Variants in DPP6 observed in about 807,000 individuals in gnomAD.
DPP6 encodes the protein dipeptidyl peptidase like 6.
In DPP6, 69 loss-of-function variants were observed where a neutral mutation model predicts 122.6. That is an observed-to-expected ratio of 0.56 (90% CI 0.46 to 0.69). The LOEUF is 0.69. DPP6 is among the 30% of genes least tolerant of loss of function. The pLI is 0.00. For missense variants in DPP6, 928 were observed against 1,116.9 expected (o/e 0.83, Z 2.41); for synonymous variants, 418 against 433.1 (o/e 0.97, Z 0.43).
chr7:154,749,943 A>G (rs1166584563), intron 8 of DPP6, among the ~76,000 whole-genome samples: 2 of 133,824 alleles, frequency 1.5e-5, no homozygotes, highest in African/African-American at 5.8e-5. Flanking sequence ...GTGAGAGAGC[A>G]TAGGACGGGA....
At chr7:154,784,936 C>G (rs1234078708) in intron 10 of DPP6, among the ~76,000 whole-genome samples, 3 of 152,150 alleles carry the variant, frequency 2.0e-5, no homozygotes, top group Admixed American at 2.0e-4. Flanking sequence ...TTGAATTAAA[C>G]TTATTTCTTG....
At chr7:154,569,318 T>C (rs1426213480) in intron 5 of DPP6, among the ~76,000 whole-genome samples, 1 of 152,028 alleles carries the variant, frequency 6.6e-6, no homozygotes, top group Non-Finnish European at 1.5e-5. Context: ...ATTGTATTAA[T>C]AGTATAATCA....
At chr7:154,681,130 A>G (rs774008652) in intron 7 of DPP6, among the ~76,000 whole-genome samples, 81 of 152,080 alleles carry the variant, frequency 5.3e-4, no homozygotes, top group Non-Finnish European at 9.3e-4. Flanking sequence ...CTTGAGACTC[A>G]CTCTTAAGCC....
the DPP6 span, among the ~76,000 whole-genome samples, chr7:153,797,309 G>A: frequency 1.3e-5 from 2 of 152,142 alleles, no homozygotes; most frequent in Non-Finnish European, 2.9e-5. Flanking sequence ...ACAACCAGAT[G>A]TAAAAAATGA....
intron 1 of DPP6, among the ~76,000 whole-genome samples, chr7:154,357,114 C>T (rs1811329505): frequency 6.6e-6 from 1 of 151,958 alleles, no homozygotes; most frequent in Non-Finnish European, 1.5e-5. Context: ...TTTAAATGAA[C>T]CATGAACAAT....
chr7:154,045,498 G>C (rs1327113380), intron 1 of DPP6, among the ~76,000 whole-genome samples: 2 of 152,366 alleles, frequency 1.3e-5, no homozygotes, highest in East Asian at 3.9e-4. Context: ...GTCTGAGACA[G>C]GGCCCACGAA....
chr7:153,854,910 A>G, the DPP6 span, among the ~76,000 whole-genome samples: 7 of 143,916 alleles, frequency 4.9e-5, no homozygotes, highest in African/African-American at 1.8e-4. Flanking sequence ...ATGCAGCCAT[A>G]AAACATGATG....
chr7:154,552,429 A>C (rs1046406937), intron 4 of DPP6, among the ~76,000 whole-genome samples: 1 of 152,168 alleles, frequency 6.6e-6, no homozygotes, highest in African/African-American at 2.4e-5. Flanking sequence ...AGCCAGCTTC[A>C]AAAAAATCAC....
intron 1 of DPP6, among the ~76,000 whole-genome samples, chr7:154,293,512 A>G (rs773027096): frequency 7.2e-5 from 11 of 152,030 alleles, no homozygotes; most frequent in Non-Finnish European, 1.2e-4. Flanking sequence ...CCCCCCATCA[A>G]CTCCTTCATC....
intron 1 of DPP6, among the ~76,000 whole-genome samples, chr7:154,217,554 T>C (rs1018909761): frequency 3.9e-5 from 6 of 152,210 alleles, no homozygotes; most frequent in African/African-American, 1.4e-4. Context: ...AAATTATATT[T>C]TCTAAAAGAA....
chr7:154,096,741 T>C (rs1467898559), intron 1 of DPP6, among the ~76,000 whole-genome samples: 2 of 152,174 alleles, frequency 1.3e-5, no homozygotes, highest in African/African-American at 2.4e-5. Context: ...CTAGTAAAAA[T>C]AGTATAATGA....
At chr7:154,243,308 G>A (rs951936443) in intron 1 of DPP6, among the ~76,000 whole-genome samples, 1 of 152,082 alleles carries the variant, frequency 6.6e-6, no homozygotes, top group Non-Finnish European at 1.5e-5. Context: ...AACAAGCCCT[G>A]AGATTAAATG....
intron 1 of DPP6, among the ~76,000 whole-genome samples, chr7:153,943,083 C>T (rs1179985356): frequency 6.6e-6 from 1 of 152,108 alleles, no homozygotes; most frequent in Non-Finnish European, 1.5e-5. Flanking sequence ...TTGTAAAAGC[C>T]TTGTTTTTCA....
Position 154,795,876 on chromosome 7 carries a change from A to T in DPP6, c.1292A>T (p.His431Leu). Reference protein sequence around the residue: ...KHEDESEAWLHRQNEEPVFSK... With the variant: ...KHEDESEAWLLRQNEEPVFSK... ...GAGGATGAAAGTGAGGCCTGGCTCC[A>T]CAGACAGGTAACTACTGCATGTCCG... The change falls in exon 12 of 26, where the codon CAC (histidine) becomes CTC (leucine). Residue 431 changes from histidine to leucine, a missense_variant. Physicochemically the swap from His to Leu is moderately conservative, Grantham distance 99 (BLOSUM62 -3). Transcript: ENST00000377770. The T allele has an allele frequency of 6.2e-7, 1 of 1,611,986 alleles. No homozygotes were observed. Among genetic ancestry groups the T allele is most frequent in the South Asian group, 1.1e-5 (1 of 90,618 alleles).
intron 1 of DPP6, among the ~76,000 whole-genome samples, chr7:154,353,328 A>G (rs1240122830): frequency 6.6e-6 from 1 of 152,108 alleles, no homozygotes; most frequent in Non-Finnish European, 1.5e-5. Flanking sequence ...GAATCTTTTG[A>G]GTAGATATTG....
chr7:154,035,425 A>G (rs1222002085), intron 1 of DPP6, among the ~76,000 whole-genome samples: 1 of 152,248 alleles, frequency 6.6e-6, no homozygotes, highest in African/African-American at 2.4e-5. Context: ...TTCATTAGAG[A>G]TAATGAAAAA....
rs542283753 is a variant in DPP6 at position 154,590,963 on chromosome 7, A to T, written c.627+24047A>T. Among the ~76,000 whole-genome samples, 83 of 152,362 alleles carry T rather than the reference A, an allele frequency of 5.4e-4. 1 individual carries two copies. In the East Asian group the frequency reaches 0.016, roughly 29 times the overall value. ...CAGTGTCACCCACTGGACCACAGTG[A>T]TGGGCGTGGTGAACCAAGAAGTGTG... On this transcript the variant is annotated intron_variant, in intron 5 of 25. Coordinates refer to ENST00000377770, the MANE Select transcript of DPP6 (RefSeq NM_130797.4).
At chr7:154,277,422 C>A (rs1804214674) in intron 1 of DPP6, among the ~76,000 whole-genome samples, 1 of 152,252 alleles carries the variant, frequency 6.6e-6, no homozygotes, top group African/African-American at 2.4e-5. Flanking sequence ...ATAGAAGGAA[C>A]AATTAGCTTG....
rs1224314805 is a variant in DPP6 at position 154,875,695 on chromosome 7, C to G, written c.1884-211C>G. 6.6e-6 allele frequency among the ~76,000 whole-genome samples: 1 copy of G among 152,136 alleles called. No homozygotes were observed. Among genetic ancestry groups the G allele is most frequent in the Non-Finnish European group, 1.5e-5 (1 of 68,026 alleles). On this transcript the variant is annotated intron_variant, in intron 19 of 25. Transcript: ENST00000377770. The surrounding 1 kb of genome is among the most constrained non-coding windows in gnomAD (Gnocchi z 4.5). ...GGGATGGCCCTGGGTGTCCTAGGCT[C>G]TTGGAGGTCTCCTCTTCCTCCTCAC...
Sources: allele counts gnomAD v4.1 joint callset (sites outside exome capture counted in the v4.1 genomes callset), GRCh38; gene constraint gnomAD v4.1.1; non-coding constraint Gnocchi (gnomAD v3.1); transcripts MANE v1.5; gene names NCBI Gene and HGNC (gene_info 2026-07-23, HGNC 2026-07-21).